The following SYT16 variants were observed in gnomAD, a reference collection of about 807,000 sequenced individuals.
SYT16 encodes the protein synaptotagmin 16, also known as synaptotagmin-16.
In SYT16, 42 loss-of-function variants were observed where a neutral mutation model predicts 61.4. The ratio of observed to expected loss-of-function variants is 0.68; its 90% CI spans 0.53 to 0.89. SYT16 has a LOEUF of 0.89. Ranked by LOEUF, SYT16 falls within the 40% of genes least tolerant of loss-of-function variation. SYT16 has a pLI of 0.00. For synonymous variants in SYT16, 314 were observed against 302.3 expected (o/e 1.04, Z -0.40); for missense variants, 804 against 807.3 (o/e 1.00, Z 0.05).
Position 62,069,628 on chromosome 14 carries a change from G to A in SYT16, c.549G>A (p.Glu183=), listed in dbSNP as rs2056211573. 2.5e-6 allele frequency: 4 copies of A among 1,613,934 alleles called. No individual in the cohort carries two copies. The highest frequency in any genetic ancestry group is 3.4e-6 in the Non-Finnish European group (4 of 1,179,860). Reference sequence around the variant, plus strand: ...TCAACAGCTTTGGGGATGACGAAGAGCTGTCCACATCTTCTGACAGTGACG... The same window carrying A: ...TCAACAGCTTTGGGGATGACGAAGAACTGTCCACATCTTCTGACAGTGACG... ...KQVNSFGDDE[E]LSTSSDSDEE... The change falls in exon 4 of 8, where the codon GAG becomes GAA. Residue 183 remains glutamate, a synonymous_variant. Transcript: ENST00000683842.
chr14:61,993,648 G>GA (rs1046388383), intron 2 of SYT16, among the ~76,000 whole-genome samples: 61 of 147,064 alleles, frequency 4.1e-4, no homozygotes, highest in African/African-American at 6.2e-4. Flanking sequence ...TATTTGCAGA[G>GA]AAAAAAAAAA....
intron 7 of SYT16, 30 bp from the exon 8 acceptor site, chr14:62,100,364 C>T: frequency 1.3e-6 from 2 of 1,526,320 alleles, no homozygotes; most frequent in South Asian, 1.3e-5. Context: ...TTCTTATCAT[C>T]CCCACCCCAC....
At chr14:61,947,570 AC>A (rs1265933899) in intron 1 of SYT16, among the ~76,000 whole-genome samples, 1 of 152,098 alleles carries the variant, frequency 6.6e-6, no homozygotes, top group Non-Finnish European at 1.5e-5. Context: ...GTGACAGTTT[AC>A]TGATAGGGTT....
At chr14:61,913,525 T>G (rs2049008654) in intron 1 of SYT16, among the ~76,000 whole-genome samples, 1 of 152,208 alleles carries the variant, frequency 6.6e-6, no homozygotes, top group Admixed American at 6.5e-5. Flanking sequence ...TAATGCATAC[T>G]GATATGTGAT....
At chr14:61,864,352 C>T (rs992105228) in intron 1 of SYT16, among the ~76,000 whole-genome samples, 1 of 152,238 alleles carries the variant, frequency 6.6e-6, no homozygotes, top group Non-Finnish European at 1.5e-5. Flanking sequence ...TTGCAGCTGC[C>T]GCGGAAGGCC....
chr14:61,842,743 G>A (rs957815617), intron 1 of SYT16, among the ~76,000 whole-genome samples: 1 of 151,532 alleles, frequency 6.6e-6, no homozygotes, highest in African/African-American at 2.4e-5. Context: ...CATGGACACA[G>A]GAAGGGGAAC....
At chr14:62,064,930 G>A (rs529411334) in intron 3 of SYT16, among the ~76,000 whole-genome samples, 2 of 152,248 alleles carry the variant, frequency 1.3e-5, no homozygotes, top group South Asian at 4.1e-4. Context: ...GCTGCTCAGT[G>A]GCCTTTGCAA....
chr14:61,857,880 TTGTCTGTC>T lies in SYT16; in HGVS notation c.-325+45083_-325+45090del, dbSNP rs528826002. ...GGAAGGAAAGTTTGGTCCCTTCTGA[TTGTCTGTC>T]TGTCTGTCTGTCATTTTGACAGGGG... On this transcript the variant is annotated intron_variant, in intron 1 of 7. Transcript: ENST00000683842. 1.1e-3 allele frequency among the ~76,000 whole-genome samples: 162 copies of T among 152,044 alleles called. 3 individuals carry two copies. Among genetic ancestry groups the T allele is most frequent in the Middle Eastern group, 3.4e-3 (1 of 294 alleles).
intron 1 of SYT16, among the ~76,000 whole-genome samples, chr14:61,965,260 CTA>C (rs1265416437): frequency 2.0e-5 from 3 of 152,134 alleles, no homozygotes; most frequent in African/African-American, 2.4e-5. Flanking sequence ...TGAGTCATTG[CTA>C]TGACACTCTA....
intron 3 of SYT16, among the ~76,000 whole-genome samples, chr14:62,066,264 C>T (rs1032858892): frequency 2.0e-5 from 3 of 152,232 alleles, no homozygotes; most frequent in Admixed American, 6.5e-5. Context: ...CTCTCTGATT[C>T]TCCAGCACTA....
chr14:62,075,468 T>TC, intron 5 of SYT16, 77 bp downstream of exon 5: 1 of 1,163,426 alleles, frequency 8.6e-7, no homozygotes, highest in Non-Finnish European at 1.1e-6. Context: ...CTCATCTCTC[T>TC]AAAAAAAAAA....
chr14:61,819,701 T>C (rs879547205), intron 1 of SYT16, among the ~76,000 whole-genome samples: 1 of 152,230 alleles, frequency 6.6e-6, no homozygotes, highest in Non-Finnish European at 1.5e-5. Context: ...TTCAATTGGC[T>C]TAGCTCAATA....
chr14:61,990,571 G>A (rs1167596504), intron 2 of SYT16, among the ~76,000 whole-genome samples: 1 of 152,152 alleles, frequency 6.6e-6, no homozygotes, highest in East Asian at 1.9e-4. Flanking sequence ...TTCAGAATGT[G>A]TCTGACTTTC....
At chr14:61,815,410 C>A (rs1160582696) in intron 1 of SYT16, among the ~76,000 whole-genome samples, 1 of 152,186 alleles carries the variant, frequency 6.6e-6, no homozygotes, top group Non-Finnish European at 1.5e-5. Context: ...TTTTCTCCCC[C>A]ACAAAATTTC....
chr14:62,049,074 G>T (rs2055141340), intron 3 of SYT16, among the ~76,000 whole-genome samples: 2 of 152,064 alleles, frequency 1.3e-5, no homozygotes, highest in Non-Finnish European at 2.9e-5. Flanking sequence ...TTGACAGTGG[G>T]GTGTTAAAGT....
At position 62,088,164 on chromosome 14, in the gene SYT16, A is replaced by G. The variant is rs138962203; in HGVS notation, c.1624+3779A>G. The stretch of plus-strand genomic sequence containing the variant: ...AAAAAAGACCCATGCAAGAATGTTT[A>G]TAGCAGCTTTATTCATAACGACAAA... On this transcript the variant is annotated intron_variant, in intron 7 of 7. Transcript: ENST00000683842. Among the ~76,000 whole-genome samples the G allele has an allele frequency of 1.8e-3, 281 of 152,384 alleles. 1 individual carries two copies. The highest frequency in any genetic ancestry group is 3.0e-3 in the Admixed American group (46 of 15,310).
At chr14:61,842,779 G>T (rs553430350) in intron 1 of SYT16, among the ~76,000 whole-genome samples, 1 of 150,450 alleles carries the variant, frequency 6.6e-6, no homozygotes, top group Admixed American at 6.7e-5. Flanking sequence ...CTGTTAGGGG[G>T]TGGGGGGAGC....
intron 1 of SYT16, among the ~76,000 whole-genome samples, chr14:61,827,989 CAGTTAAAATGA>C (rs2045824058): frequency 6.6e-6 from 1 of 152,076 alleles, no homozygotes; most frequent in African/African-American, 2.4e-5. Flanking sequence ...ATAGGTAATT[CAGTTAAAATGA>C]AGTTAAAATG....
chr14:62,084,082 C>A (rs2056803113), intron 6 of SYT16, 114 bp from the exon 7 acceptor site: 11 of 1,307,672 alleles, frequency 8.4e-6, no homozygotes, highest in Non-Finnish European at 1.0e-5. Context: ...CCTTAGTCAT[C>A]TTTGGCAGTC....
Sources: allele counts gnomAD v4.1 joint callset (sites outside exome capture counted in the v4.1 genomes callset), GRCh38; gene constraint gnomAD v4.1.1; transcripts MANE v1.5; gene names NCBI Gene and HGNC (gene_info 2026-07-23, HGNC 2026-07-21).